The following DGKI variants were observed in gnomAD, a reference collection of about 807,000 sequenced individuals.
DGKI encodes diacylglycerol kinase iota.
Under a neutral mutation model 147.5 loss-of-function variants are expected in DGKI, and 55 were observed. That is an observed-to-expected ratio of 0.37 (90% CI 0.30 to 0.47). The LOEUF (loss-of-function observed/expected upper bound fraction) is 0.47. DGKI is among the 20% of genes least tolerant of loss of function. DGKI has a pLI of 1.00. For missense variants in DGKI, 1,007 were observed against 1,323.8 expected (o/e 0.76, Z 3.71); for synonymous variants, 469 against 477.1 (o/e 0.98, Z 0.22).
At chr7:137,522,466 C>T (rs1470599793) in intron 20 of DGKI, among the ~76,000 whole-genome samples, 1 of 152,064 alleles carries the variant, frequency 6.6e-6, no homozygotes, top group African/African-American at 2.4e-5. Flanking sequence ...CTACACAGCT[C>T]AATAGCCTCT....
chr7:137,413,928 C>G (rs1361781748), intron 28 of DGKI, among the ~76,000 whole-genome samples: 1 of 152,208 alleles, frequency 6.6e-6, no homozygotes. Context: ...CTTTTCCCCA[C>G]AGCCTCACCA....
chr7:137,621,575 C>A (rs1271970851), intron 7 of DGKI, among the ~76,000 whole-genome samples: 1 of 152,172 alleles, frequency 6.6e-6, no homozygotes, highest in Admixed American at 6.5e-5. Flanking sequence ...AACATATCAA[C>A]CGCTGTAATT....
intron 27 of DGKI, among the ~76,000 whole-genome samples, chr7:137,463,159 T>C (rs1814515237): frequency 6.6e-6 from 1 of 152,210 alleles, no homozygotes; most frequent in Non-Finnish European, 1.5e-5. Context: ...CTCTCATGCA[T>C]GTCTTTATGA....
chr7:137,409,890 C>T (rs748234728), intron 29 of DGKI, among the ~76,000 whole-genome samples: 2 of 151,972 alleles, frequency 1.3e-5, no homozygotes, highest in Non-Finnish European at 2.9e-5. Flanking sequence ...CTCTTTGTCT[C>T]TCTCTCTCTC....
chr7:137,401,136 T>C (rs1354509486), intron 30 of DGKI, among the ~76,000 whole-genome samples: 1 of 152,186 alleles, frequency 6.6e-6, no homozygotes, highest in Non-Finnish European at 1.5e-5. Context: ...CTGTACCCTG[T>C]GACTTTTAGT....
intron 19 of DGKI, among the ~76,000 whole-genome samples, chr7:137,554,572 A>G (rs1363972626): frequency 1.3e-5 from 2 of 152,090 alleles, no homozygotes; most frequent in Non-Finnish European, 2.9e-5. Context: ...GAGATTTTCT[A>G]TCTTTTCACA....
chr7:137,715,714 T>C (rs1327597034), intron 1 of DGKI, among the ~76,000 whole-genome samples: 1 of 152,200 alleles, frequency 6.6e-6, no homozygotes, highest in Non-Finnish European at 1.5e-5. Flanking sequence ...GGGAAAAGCA[T>C]GTATAACTCA....
intron 1 of DGKI, among the ~76,000 whole-genome samples, chr7:137,804,750 G>A (rs561384979): frequency 3.7e-4 from 56 of 152,194 alleles, no homozygotes; most frequent in Non-Finnish European, 7.2e-4. Context: ...TCACGGCAGA[G>A]CTTTGCCTGT....
chr7:137,767,505 G>A (rs1296959439), intron 1 of DGKI, among the ~76,000 whole-genome samples: 1 of 148,098 alleles, frequency 6.8e-6, no homozygotes, highest in Non-Finnish European at 1.5e-5. Context: ...GAGAAGAGAA[G>A]AGAAGAGAAG....
intron 19 of DGKI, among the ~76,000 whole-genome samples, chr7:137,563,952 GC>G (rs1818499459): frequency 6.6e-6 from 1 of 152,112 alleles, no homozygotes; most frequent in African/African-American, 2.4e-5. Context: ...ATATGCAAAT[GC>G]CCAAAGATCT....
chr7:137,605,303 G>A (rs1026593898), intron 10 of DGKI, among the ~76,000 whole-genome samples: 9 of 120,970 alleles, frequency 7.4e-5, no homozygotes, highest in South Asian at 2.5e-4. Flanking sequence ...GCAAGACTCC[G>A]TCTCAAAAAT....
In DGKI at chr7:137,772,606, G is replaced by A. The variant is rs78840342; in HGVS notation, c.401+73856C>T. Reference sequence around the variant, plus strand: ...TAAAGGCAACCATTCGTAACTATGAGAATTTGTTTTTAAGGTTTCATCACA... The same window carrying A: ...TAAAGGCAACCATTCGTAACTATGAAAATTTGTTTTTAAGGTTTCATCACA... On this transcript the variant is annotated intron_variant, in intron 1 of 32. Coordinates refer to ENST00000614521, the MANE Select transcript of DGKI (RefSeq NM_001321708.2). Among the ~76,000 whole-genome samples, 424 of 152,112 alleles carry A rather than the reference G, an allele frequency of 2.8e-3. 20 individuals carry two copies. The East Asian group carries it at 0.068, about 24-fold the overall frequency.
chr7:137,558,349 G>A (rs2550979), intron 19 of DGKI, among the ~76,000 whole-genome samples: 16,641 of 152,060 alleles, frequency 0.11, 2,056 homozygotes, highest in African/African-American at 0.3. Context: ...GCACGATCTC[G>A]GCTGACTGCA....
At chr7:137,725,064 G>A (rs1406017552) in intron 1 of DGKI, among the ~76,000 whole-genome samples, 1 of 152,024 alleles carries the variant, frequency 6.6e-6, no homozygotes, top group Non-Finnish European at 1.5e-5. Flanking sequence ...GGGATGAGGT[G>A]GGGAGGGCGA....
intron 8 of DGKI, among the ~76,000 whole-genome samples, chr7:137,614,057 A>G (rs772150753): frequency 3.9e-5 from 6 of 152,176 alleles, no homozygotes; most frequent in Non-Finnish European, 7.3e-5. Context: ...GAGCATATTT[A>G]TATATTACTC....
At chr7:137,760,425 C>T (rs1036378257) in intron 1 of DGKI, among the ~76,000 whole-genome samples, 1 of 152,206 alleles carries the variant, frequency 6.6e-6, no homozygotes, top group Non-Finnish European at 1.5e-5. Flanking sequence ...CCTCTGTGGC[C>T]TTCACTACTT....
chr7:137,525,701 C>A (rs1817120190), intron 20 of DGKI, among the ~76,000 whole-genome samples: 1 of 152,124 alleles, frequency 6.6e-6, no homozygotes, highest in African/African-American at 2.4e-5. Context: ...AGAAAAATGC[C>A]TGGCACATTG....
At chr7:137,544,362 T>G (rs919747861) in intron 20 of DGKI, among the ~76,000 whole-genome samples, 18 of 152,158 alleles carry the variant, frequency 1.2e-4, no homozygotes, top group African/African-American at 4.3e-4. Context: ...AATATAGAAT[T>G]TTACTCCAGC....
At chr7:137,669,012 A>G (rs1038371090) in intron 3 of DGKI, among the ~76,000 whole-genome samples, 1 of 152,222 alleles carries the variant, frequency 6.6e-6, no homozygotes, top group Non-Finnish European at 1.5e-5. Context: ...AACAACCACA[A>G]GAAGCAGTAT....
Sources: gnomAD v4.1 joint callset for allele counts (sites outside exome capture counted in the v4.1 genomes callset) on GRCh38, gnomAD v4.1.1 for gene constraint, MANE v1.5 for transcripts, NCBI Gene and HGNC (gene_info 2026-07-23, HGNC 2026-07-21) for gene names.